KDM4C: variants seen among roughly 807,000 people sequenced by gnomAD.
KDM4C encodes the protein lysine demethylase 4C, also known as lysine-specific demethylase 4C.
In KDM4C, 81 loss-of-function variants were observed where a neutral mutation model predicts 129.3. The ratio of observed to expected loss-of-function variants is 0.63; its 90% CI spans 0.52 to 0.75. The LOEUF (loss-of-function observed/expected upper bound fraction) is 0.75. Ranked by LOEUF, KDM4C falls within the 30% of genes least tolerant of loss-of-function variation. The pLI is 0.00. For missense variants in KDM4C, 1,457 were observed against 1,304.0 expected, an observed-to-expected ratio of 1.12 and a Z score of -1.81; for synonymous variants, 573 against 456.1, an observed-to-expected ratio of 1.26 and a Z score of -3.26.
chr9:6,978,659 C>G (rs1427782833), intron 8 of KDM4C: 1 of 139,276 alleles, frequency 7.2e-6, no homozygotes, highest in Non-Finnish European at 1.6e-5. Context: ...GTATAAAAGT[C>G]TCAAAATCCT....
intron 17 of KDM4C, among the ~76,000 whole-genome samples, chr9:7,084,813 G>C (rs1199635254): frequency 6.6e-6 from 1 of 152,204 alleles, no homozygotes; most frequent in African/African-American, 2.4e-5. Flanking sequence ...CCATGTTCCA[G>C]TTCCTGAGCA....
At chr9:7,082,249 C>CG (rs1834610296) in intron 17 of KDM4C, among the ~76,000 whole-genome samples, 2 of 152,108 alleles carry the variant, frequency 1.3e-5, no homozygotes, top group Admixed American at 6.5e-5. Flanking sequence ...CACCTTAGCC[C>CG]ACCAGAATGG....
intron 18 of KDM4C, among the ~76,000 whole-genome samples, chr9:7,124,530 AT>A (rs1325944294): frequency 6.6e-6 from 1 of 152,126 alleles, no homozygotes; most frequent in Admixed American, 6.6e-5. Context: ...CTCCACTCAT[AT>A]TAATTACTAC....
intron 4 of KDM4C, among the ~76,000 whole-genome samples, chr9:6,845,403 C>T (rs568537176): frequency 1.1e-4 from 16 of 152,104 alleles, no homozygotes; most frequent in South Asian, 2.1e-4. Flanking sequence ...TTTGTAGAGA[C>T]GGGGTCTCAC....
chr9:7,074,235 C>T lies in KDM4C; in HGVS notation c.2424+25035C>T, dbSNP rs180701251. 2.9e-3 allele frequency among the ~76,000 whole-genome samples: 447 copies of T among 152,212 alleles called. 1 individual carries two copies. The highest frequency in any genetic ancestry group is 5.0e-3 in the Non-Finnish European group (343 of 68,004). On this transcript the variant is annotated intron_variant, in intron 17 of 21. Transcript: ENST00000381309. ...CTGGAGTGCAGTGGCGCGATCTCAG[C>T]TCACTGCAACCGCTGTCTCTTGGGT...
chr9:6,865,289 T>C (rs1841750524), intron 5 of KDM4C, among the ~76,000 whole-genome samples: 2 of 152,192 alleles, frequency 1.3e-5, no homozygotes, highest in Admixed American at 6.5e-5. Context: ...ATTACAAGCG[T>C]GAGCCAAAGT....
chr9:7,033,221 T>C (rs1827079595), intron 15 of KDM4C, among the ~76,000 whole-genome samples: 1 of 152,100 alleles, frequency 6.6e-6, no homozygotes, highest in Non-Finnish European at 1.5e-5. Context: ...AAGGCCGACT[T>C]TGATCTTTAT....
intron 1 of KDM4C, among the ~76,000 whole-genome samples, chr9:6,732,876 G>A (rs1448510418): frequency 6.6e-6 from 1 of 152,206 alleles, no homozygotes; most frequent in Non-Finnish European, 1.5e-5. Flanking sequence ...AGCTGGACGT[G>A]GTGGCACACG....
At chr9:7,068,194 G>C (rs1405835475) in intron 17 of KDM4C, among the ~76,000 whole-genome samples, 1 of 152,036 alleles carries the variant, frequency 6.6e-6, no homozygotes, top group African/African-American at 2.4e-5. Context: ...ATACTATATT[G>C]GTCTGATATG....
Position 6,930,991 on chromosome 9 carries a change from A to G in KDM4C, c.921+37759A>G, listed in dbSNP as rs1239492772. ...CTCTGAGTACATGCTGAAATATGCA[A>G]CTGCATTCTTATGCTTCTTTGCCTG... On this transcript the variant is annotated intron_variant, in intron 8 of 21. Transcript: ENST00000381309. Among the ~76,000 whole-genome samples the G allele has an allele frequency of 8.5e-5, 13 of 152,234 alleles. No individual in the cohort carries two copies. The South Asian group carries it at 1.7e-3, about 19-fold the overall frequency.
intron 5 of KDM4C, among the ~76,000 whole-genome samples, chr9:6,862,575 G>T (rs1841131769): frequency 6.6e-6 from 1 of 152,080 alleles, no homozygotes. Flanking sequence ...GGTTGAGGTT[G>T]GTGGATCACC....
intron 19 of KDM4C, among the ~76,000 whole-genome samples, chr9:7,152,765 A>G (rs1842835981): frequency 6.6e-6 from 1 of 152,216 alleles, no homozygotes; most frequent in Non-Finnish European, 1.5e-5. Context: ...AAGGAGGCGA[A>G]GGAACATGGC....
intron 1 of KDM4C, among the ~76,000 whole-genome samples, chr9:6,779,371 G>A (rs1485862942): frequency 6.6e-6 from 1 of 152,212 alleles, no homozygotes; most frequent in Admixed American, 6.5e-5. Context: ...AGGGTAAGGA[G>A]AGAGTGGAAA....
intron 8 of KDM4C, among the ~76,000 whole-genome samples, chr9:6,973,525 A>G (rs144162816): frequency 6.6e-6 from 1 of 152,374 alleles, no homozygotes; most frequent in Non-Finnish European, 1.5e-5. Flanking sequence ...TGGCTGCTAA[A>G]TAAATCAAGG....
At position 7,168,176 on chromosome 9, in the gene KDM4C, G is replaced by A. The variant is rs144915311; in HGVS notation, c.2902-1622G>A. Among the ~76,000 whole-genome samples the A allele has an allele frequency of 8.5e-3, 1,292 of 152,042 alleles. 22 individuals carry two copies. The highest frequency in any genetic ancestry group is 0.029 in the African/African-American group (1,188 of 41,472). ...GCACTCCAGCCTAGGCAACAAGAGC[G>A]AAACTCCGTCTCAAGAGAAAACCAA... On this transcript the variant is annotated intron_variant, in intron 20 of 21. Transcript: ENST00000381309.
At chr9:6,733,042 G>T (rs1212277514) in intron 1 of KDM4C, among the ~76,000 whole-genome samples, 4 of 152,112 alleles carry the variant, frequency 2.6e-5, no homozygotes, top group African/African-American at 7.2e-5. Flanking sequence ...GTACCACCAC[G>T]TGGTTACAAG....
At chr9:7,158,466 C>T (rs561139498) in intron 19 of KDM4C, among the ~76,000 whole-genome samples, 1 of 152,044 alleles carries the variant, frequency 6.6e-6, no homozygotes, top group Admixed American at 6.6e-5. Flanking sequence ...TTCCTGCTTT[C>T]TCTTGTGGGC....
chr9:6,929,288 G>C (rs999894887), intron 8 of KDM4C, among the ~76,000 whole-genome samples: 11 of 152,160 alleles, frequency 7.2e-5, no homozygotes, highest in African/African-American at 2.7e-4. Context: ...TTGAAGGAAT[G>C]AAAGAGACTT....
intron 9 of KDM4C, among the ~76,000 whole-genome samples, 157 bp from the exon 10 acceptor site, chr9:6,984,009 A>G (rs774158383): frequency 3.9e-5 from 6 of 152,224 alleles, no homozygotes; most frequent in Non-Finnish European, 8.8e-5. Context: ...TTTGATTTCA[A>G]ATTTAATCAT....
Sources: gnomAD v4.1 joint callset for allele counts (sites outside exome capture counted in the v4.1 genomes callset) on GRCh38, gnomAD v4.1.1 for gene constraint, MANE v1.5 for transcripts, NCBI Gene and HGNC (gene_info 2026-07-23, HGNC 2026-07-21) for gene names.